OR51B5: variants seen among roughly 807,000 people sequenced by gnomAD.
OR51B5 encodes olfactory receptor 51B5.
For missense variants in OR51B5, 456 were observed against 374.6 expected (o/e 1.22, Z -1.79); for synonymous variants, 186 against 144.8 (o/e 1.28, Z -2.04).
At chr11:5,416,897 T>A (rs1415437070) in intron 1 of OR51B5, among the ~76,000 whole-genome samples, 1 of 151,900 alleles carries the variant, frequency 6.6e-6, no homozygotes, top group Non-Finnish European at 1.5e-5. Context: ...AAGCTAACAA[T>A]GTCTTTCTTC....
rs201816284 is a variant in OR51B5, at chr11:5,343,396, G to A, written c.129C>T (p.Leu43=). The change falls in exon 1 of 1, where the codon CTC becomes CTT. Residue 43 remains leucine, a synonymous_variant. Coordinates refer to ENST00000300773, the Ensembl canonical transcript of OR51B5. ...TGTGATCTTCCTTAATGAGAAGAAGGAGGGTGCCATTGCCAAAAAGGATGG... is the reference window on the plus strand; with the variant it reads ...TGTGATCTTCCTTAATGAGAAGAAGAAGGGTGCCATTGCCAAAAAGGATGG... The A allele has an allele frequency of 4.1e-5, 66 of 1,614,004 alleles. No individual in the cohort carries two copies. The African/African-American group carries it at 8.3e-4, about 20-fold the overall frequency.
At chr11:5,352,337 T>C in intron 1 of OR51B5, 1 of 1,613,850 alleles carries the variant, frequency 6.2e-7, no homozygotes, top group South Asian at 1.1e-5. Flanking sequence ...ATGAGCTACA[T>C]CCACTTCCTT....
At chr11:5,438,506 T>A (rs567960945) in intron 1 of OR51B5, among the ~76,000 whole-genome samples, 1 of 152,274 alleles carries the variant, frequency 6.6e-6, no homozygotes, top group South Asian at 2.1e-4. Context: ...GTTTGGTTAT[T>A]CCCTTAATTC....
chr11:5,464,530 T>A (rs548569257), intron 1 of OR51B5, among the ~76,000 whole-genome samples: 57 of 148,800 alleles, frequency 3.8e-4, no homozygotes, highest in African/African-American at 1.3e-3. Context: ...AGTGAGAATA[T>A]GTGGTGTTTG....
intron 1 of OR51B5, among the ~76,000 whole-genome samples, chr11:5,386,021 T>C (rs936961983): frequency 6.6e-6 from 1 of 151,512 alleles, no homozygotes; most frequent in African/African-American, 2.4e-5. Flanking sequence ...TAATAGTACA[T>C]TACAGGTACT....
At chr11:5,384,533 T>C (rs1033157835) in intron 1 of OR51B5, among the ~76,000 whole-genome samples, 2 of 152,180 alleles carry the variant, frequency 1.3e-5, no homozygotes, top group Non-Finnish European at 2.9e-5. Context: ...CAGGGCTGCC[T>C]CACTCCCCTG....
intron 1 of OR51B5, among the ~76,000 whole-genome samples, chr11:5,503,953 T>G (rs953761638): frequency 1.3e-5 from 2 of 152,164 alleles, no homozygotes; most frequent in African/African-American, 4.8e-5. Context: ...AGTGATGTAC[T>G]TCCCCTCTTC....
chr11:5,476,359 C>T (rs978442151), intron 1 of OR51B5, among the ~76,000 whole-genome samples: 3 of 152,176 alleles, frequency 2.0e-5, no homozygotes, highest in African/African-American at 7.2e-5. Flanking sequence ...CAAGTGACAA[C>T]ACCAGCATTT....
chr11:5,393,851 C>T (rs1039126795), intron 1 of OR51B5, among the ~76,000 whole-genome samples: 9 of 152,140 alleles, frequency 5.9e-5, no homozygotes, highest in African/African-American at 2.2e-4. Flanking sequence ...AATTCAATAT[C>T]AAGCGCATCT....
chr11:5,422,741 T>G (rs566727608), intron 1 of OR51B5: 1 of 1,614,076 alleles, frequency 6.2e-7, no homozygotes, highest in African/African-American at 1.3e-5. Context: ...TCGCTCCTAT[T>G]GCCTCCACCA....
At chr11:5,366,130 C>T (rs1002571557) in intron 1 of OR51B5, among the ~76,000 whole-genome samples, 1 of 151,966 alleles carries the variant, frequency 6.6e-6, no homozygotes, top group Admixed American at 6.6e-5. Flanking sequence ...AGAGGTGAAC[C>T]CAGTGGGCAA....
At chr11:5,381,833 A>G (rs1464694352) in intron 1 of OR51B5, among the ~76,000 whole-genome samples, 1 of 152,226 alleles carries the variant, frequency 6.6e-6, no homozygotes, top group Non-Finnish European at 1.5e-5. Context: ...TCAATTATAT[A>G]ATTCAGAGAA....
chr11:5,386,264 G>T (rs1415457898), intron 1 of OR51B5, among the ~76,000 whole-genome samples: 2 of 151,990 alleles, frequency 1.3e-5, no homozygotes, highest in African/African-American at 4.8e-5. Flanking sequence ...GGAAAAGATG[G>T]GTTTGGAAAG....
intron 1 of OR51B5, among the ~76,000 whole-genome samples, chr11:5,444,120 T>C (rs142140813): frequency 1.5e-4 from 23 of 152,270 alleles, no homozygotes; most frequent in African/African-American, 5.5e-4. Context: ...GTGTCACAAA[T>C]GCATCAGCAT....
At chr11:5,422,780 A>C (rs1465153415) in intron 1 of OR51B5, 1 of 1,614,140 alleles carries the variant, frequency 6.2e-7, no homozygotes. Context: ...CTGTGCTGAC[A>C]TCAGGCTCAA....
intron 1 of OR51B5, chr11:5,352,558 A>G (rs1849115130): frequency 3.0e-6 from 2 of 677,564 alleles, no homozygotes; most frequent in East Asian, 2.6e-5. Flanking sequence ...TCAATCCCTG[A>G]GCATTTCAGT....
chr11:5,402,903 C>G (rs1157480147), intron 1 of OR51B5: 2 of 471,294 alleles, frequency 4.2e-6, no homozygotes, highest in South Asian at 1.5e-5. Context: ...TTGTCTTTTT[C>G]CAGATGTTCT....
At chr11:5,500,566 ACT>A (rs1335467655) in intron 1 of OR51B5, among the ~76,000 whole-genome samples, 1 of 147,496 alleles carries the variant, frequency 6.8e-6, no homozygotes, top group Non-Finnish European at 1.5e-5. Flanking sequence ...GTCATAAGAG[ACT>A]CTGCCAAAAC....
chr11:5,442,935 A>G (rs911823635), intron 1 of OR51B5, among the ~76,000 whole-genome samples: 1 of 152,160 alleles, frequency 6.6e-6, no homozygotes, highest in Non-Finnish European at 1.5e-5. Context: ...ATTCAAGGGT[A>G]CTATTTGTCC....
Sources: allele counts gnomAD v4.1 joint callset (sites outside exome capture counted in the v4.1 genomes callset), GRCh38; gene constraint gnomAD v4.1.1; transcripts MANE v1.5; gene names NCBI Gene and HGNC (gene_info 2026-07-23, HGNC 2026-07-21).